The following KIF6 variants were observed in gnomAD, a reference collection of about 807,000 sequenced individuals.
KIF6 encodes kinesin-like protein KIF6.
In KIF6, 106 loss-of-function variants were observed where a neutral mutation model predicts 112.7. The ratio of observed to expected loss-of-function variants is 0.94; its 90% CI spans 0.80 to 1.11. The LOEUF is 1.11. Among genes scored for constraint, KIF6 ranks in the 50% least tolerant of loss-of-function variants. KIF6 has a pLI of 0.00. For missense variants in KIF6, 929 were observed against 964.0 expected (o/e 0.96, Z 0.48); for synonymous variants, 339 against 339.9 (o/e 1.00, Z 0.03).
At position 39,722,926 on chromosome 6, in the gene KIF6, A is replaced by C. The variant is rs534539201; in HGVS notation, c.67-2115T>G. Among the ~76,000 whole-genome samples, 19 of 152,274 alleles carry C rather than the reference A, an allele frequency of 1.2e-4. No individual in the cohort carries two copies. The South Asian group carries it at 3.9e-3, about 32-fold the overall frequency. Reference sequence around the variant, plus strand: ...ATGAGGTACATTAAAATATCCAAACACTGCATTTTAAGAGAAAAGAAAGTT... The same window carrying C: ...ATGAGGTACATTAAAATATCCAAACCCTGCATTTTAAGAGAAAAGAAAGTT... On this transcript the variant is annotated intron_variant, in intron 1 of 22. Coordinates refer to ENST00000287152, the MANE Select transcript of KIF6 (RefSeq NM_145027.6).
chr6:39,368,392 G>A (rs1054975690), intron 16 of KIF6, among the ~76,000 whole-genome samples: 1 of 152,218 alleles, frequency 6.6e-6, no homozygotes, highest in African/African-American at 2.4e-5. Flanking sequence ...GGTAAGCAGA[G>A]CTAGTGGGAG....
rs571749327 is a variant in KIF6 at position 39,331,378 on chromosome 6, G to A, written c.*5154C>T. The A allele has an allele frequency of 6.9e-6, 1 of 145,928 alleles. No individual in the cohort carries two copies. The highest frequency in any genetic ancestry group is 1.9e-4 in the East Asian group (1 of 5,142). The allele number at this position is 145,928 out of a possible 1,614,324, so 9.0% of individuals were successfully genotyped here. ...AGATTGTCTTGCTTACTTGTTTATT[G>A]TCCCTCTCTTTTTTTTTTTTTCAGA... is the stretch of plus-strand genomic sequence containing the variant. On this transcript the variant is annotated 3_prime_UTR_variant, in exon 23 of 23. Coordinates refer to ENST00000287152, the MANE Select transcript of KIF6 (RefSeq NM_145027.6).
At chr6:39,702,983 G>A (rs1162366006) in intron 3 of KIF6, among the ~76,000 whole-genome samples, 4 of 151,502 alleles carry the variant, frequency 2.6e-5, no homozygotes, top group African/African-American at 7.3e-5. Flanking sequence ...AAAAACTCAG[G>A]AGGTGAGCAG....
chr6:39,583,122 T>C (rs1468972732), intron 9 of KIF6: 1 of 256,230 alleles, frequency 3.9e-6, no homozygotes, highest in African/African-American at 2.2e-5. Context: ...GAAAAATCTC[T>C]AGCCAAATGC....
intron 10 of KIF6, among the ~76,000 whole-genome samples, chr6:39,560,311 T>A (rs1336115795): frequency 6.6e-6 from 1 of 152,232 alleles, no homozygotes; most frequent in East Asian, 1.9e-4. Flanking sequence ...ACATTTTCAA[T>A]TGATTTTAAA....
chr6:39,714,770 C>A lies in KIF6; in HGVS notation c.177-4G>T. 6.3e-7 allele frequency: 1 copy of A among 1,594,386 alleles called. No homozygotes were observed. Among genetic ancestry groups the A allele is most frequent in the Non-Finnish European group, 8.6e-7 (1 of 1,162,818 alleles). ...CTGATCAAAAATTCTTTGAAATCTG[C>A]AATGTGAAAAATAGTAATTATTTAA... On this transcript the variant is annotated splice_region_variant and splice_polypyrimidine_tract_variant and intron_variant, in intron 2 of 22. Coordinates refer to ENST00000287152, the MANE Select transcript of KIF6 (RefSeq NM_145027.6).
chr6:39,618,468 C>T (rs752690808), intron 5 of KIF6, among the ~76,000 whole-genome samples: 2 of 152,144 alleles, frequency 1.3e-5, no homozygotes, highest in South Asian at 2.1e-4. Flanking sequence ...AGGTTGGACA[C>T]GCTTCGTTAT....
At chr6:39,453,624 A>G (rs1057039535) in intron 13 of KIF6, among the ~76,000 whole-genome samples, 1 of 152,226 alleles carries the variant, frequency 6.6e-6, no homozygotes. Flanking sequence ...CCTAAAATAA[A>G]ATCCATTAAT....
At position 39,572,659 on chromosome 6, in the gene KIF6, C is replaced by CTTT. The variant is rs35901482; in HGVS notation, c.1181+5394_1181+5396dup. Among the ~76,000 whole-genome samples the CTTT allele has an allele frequency of 2.4e-4, 25 of 102,200 alleles. 1 individual carries two copies. Among genetic ancestry groups the CTTT allele is most frequent in the African/African-American group, 4.3e-4 (12 of 27,946 alleles). 67.0% of individuals were successfully genotyped at this position (102,200 alleles called of 152,430 possible). On this transcript the variant is annotated intron_variant, in intron 10 of 22. Transcript: ENST00000287152. ...CCAAGCCTAGCCAAAGATCTACAGGCTTTTTTTTTTTTTTTTTTTTTTACC... is the reference window on the plus strand; with the variant it reads ...CCAAGCCTAGCCAAAGATCTACAGGCTTTTTTTTTTTTTTTTTTTTTTTTTACC...
At chr6:39,699,789 A>G (rs1326974132) in intron 3 of KIF6, among the ~76,000 whole-genome samples, 1 of 152,222 alleles carries the variant, frequency 6.6e-6, no homozygotes, top group Non-Finnish European at 1.5e-5. Flanking sequence ...TGTTGATGCT[A>G]TAATTTTATA....
intron 10 of KIF6, among the ~76,000 whole-genome samples, chr6:39,566,006 G>A (rs1018592115): frequency 6.6e-6 from 1 of 152,156 alleles, no homozygotes; most frequent in Non-Finnish European, 1.5e-5. Flanking sequence ...CTGAAGAAGA[G>A]GGTGAAAGAG....
intron 3 of KIF6, among the ~76,000 whole-genome samples, chr6:39,659,518 G>A (rs1312914784): frequency 1.3e-5 from 2 of 152,124 alleles, no homozygotes; most frequent in Non-Finnish European, 2.9e-5. Context: ...ATCTTGAATT[G>A]TAGTTCCCAT....
At chr6:39,431,686 G>A (rs1201985998) in intron 13 of KIF6, among the ~76,000 whole-genome samples, 3 of 152,156 alleles carry the variant, frequency 2.0e-5, no homozygotes, top group African/African-American at 7.2e-5. Context: ...TCAGGAGTTA[G>A]GTCCTCAGTT....
chr6:39,359,153 A>G (rs9394584), intron 18 of KIF6, among the ~76,000 whole-genome samples: 61,560 of 151,976 alleles, frequency 0.41, 14,214 homozygotes, highest in African/African-American at 0.64. Flanking sequence ...TCTGGCTCTC[A>G]GTTTTCTTGT....
intron 15 of KIF6, among the ~76,000 whole-genome samples, chr6:39,386,258 G>T (rs1767411642): frequency 6.6e-6 from 1 of 152,196 alleles, no homozygotes; most frequent in Non-Finnish European, 1.5e-5. Context: ...GGAGACATCA[G>T]CTGGTATTTG....
chr6:39,713,877 G>A (rs1789687492), intron 3 of KIF6, among the ~76,000 whole-genome samples: 1 of 152,206 alleles, frequency 6.6e-6, no homozygotes, highest in Non-Finnish European at 1.5e-5. Context: ...TGTGTTCCCA[G>A]CAATGTCCAC....
intron 3 of KIF6, among the ~76,000 whole-genome samples, chr6:39,708,336 T>G (rs1789334132): frequency 6.6e-6 from 1 of 151,982 alleles, no homozygotes; most frequent in Non-Finnish European, 1.5e-5. Context: ...AAGAAGAGAG[T>G]GAAGGAAAAG....
At chr6:39,701,578 T>C (rs1788880790) in intron 3 of KIF6, among the ~76,000 whole-genome samples, 1 of 152,228 alleles carries the variant, frequency 6.6e-6, no homozygotes, top group African/African-American at 2.4e-5. Context: ...AAAACATACG[T>C]TCAAAGATAA....
chr6:39,677,909 C>T (rs1056570146), intron 3 of KIF6, among the ~76,000 whole-genome samples: 1 of 143,264 alleles, frequency 7.0e-6, no homozygotes, highest in Non-Finnish European at 1.5e-5. Flanking sequence ...ATATGTGCCA[C>T]ATTTTCTTAA....
Sources: gnomAD v4.1 joint callset for allele counts (sites outside exome capture counted in the v4.1 genomes callset) on GRCh38, gnomAD v4.1.1 for gene constraint, MANE v1.5 for transcripts, NCBI Gene and HGNC (gene_info 2026-07-23, HGNC 2026-07-21) for gene names.